RIF1: variants seen among roughly 807,000 people sequenced by gnomAD.
The protein encoded by RIF1 is telomere-associated protein RIF1.
In RIF1, 45 loss-of-function variants were observed where a neutral mutation model predicts 247.1. The ratio of observed to expected loss-of-function variants is 0.18; its 90% CI spans 0.14 to 0.23. RIF1 has a LOEUF of 0.23. Ranked by LOEUF, RIF1 falls within the 10% of genes least tolerant of loss-of-function variation. The pLI is 1.00. For synonymous variants in RIF1, 1,087 were observed against 978.8 expected (o/e 1.11, Z -2.06); for missense variants, 2,967 against 2,862.5 (o/e 1.04, Z -0.83).
chr2:151,494,087 C>G, intron 9 of RIF1: 1 of 1,266,596 alleles, frequency 7.9e-7, no homozygotes, highest in Admixed American at 2.0e-5. Flanking sequence ...TAACCTGGGA[C>G]AGGGTTAGGA....
chr2:151,486,173 C>T, downstream of RIF1: 1 of 451,694 alleles, frequency 2.2e-6, no homozygotes, highest in South Asian at 3.7e-5. Flanking sequence ...TGCCTTCCCC[C>T]ACCAAAAGAG....
intron 10 of RIF1, chr2:151,497,946 T>TA (rs2061422982): frequency 6.9e-7 from 1 of 1,444,580 alleles, no homozygotes; most frequent in Admixed American, 2.9e-5. Context: ...TTATCCATGT[T>TA]ATTTTTTTTC....
rs2048920737 is a variant in RIF1 at position 151,476,201 on chromosome 2, G to A, written c.*1130G>A. On this transcript the variant is annotated 3_prime_UTR_variant, in exon 36 of 36. Coordinates refer to ENST00000444746, the MANE Select transcript of RIF1 (RefSeq NM_018151.5). ...AGTTAGTTTCAGTATTTCACAGCAA[G>A]TTGGACTACAAAATCTAGAGTTGAT... 6.6e-6 allele frequency: 1 copy of A among 152,188 alleles called. No homozygotes were observed. Among genetic ancestry groups the A allele is most frequent in the Non-Finnish European group, 1.5e-5 (1 of 68,022 alleles). The allele number at this position is 152,188 out of a possible 1,614,324, so 9.4% of individuals were successfully genotyped here.
chr2:151,520,858 T>C, the RIF1 span, among the ~76,000 whole-genome samples: 3 of 149,226 alleles, frequency 2.0e-5, no homozygotes, highest in Non-Finnish European at 2.9e-5. Context: ...AGCAAGACCC[T>C]GTCTCACAAA....
intron 21 of RIF1, among the ~76,000 whole-genome samples, chr2:151,454,452 T>C (rs1489231974): frequency 1.3e-5 from 2 of 152,158 alleles, no homozygotes; most frequent in Admixed American, 6.5e-5. Flanking sequence ...CAATGTACTA[T>C]AGATGAGCAA....
Position 151,433,238 on chromosome 2 carries a change from C to CAA in RIF1, c.1077+11_1077+12dup. ...TGCTAATTTTGAACAGGTAACATTACAAGTGTTGACTATAGCACTTTATGT... is the reference window on the plus strand; with the variant it reads ...TGCTAATTTTGAACAGGTAACATTACAAAAGTGTTGACTATAGCACTTTATGT... On this transcript the variant is annotated intron_variant, in intron 10 of 35. Coordinates refer to ENST00000444746, the MANE Select transcript of RIF1 (RefSeq NM_018151.5). 6.2e-7 allele frequency: 1 copy of CAA among 1,602,006 alleles called. No homozygotes were observed. The highest frequency in any genetic ancestry group is 8.5e-7 in the Non-Finnish European group (1 of 1,170,204).
intron 13 of RIF1, 85 bp from the exon 14 acceptor site, chr2:151,438,599 G>A (rs1437639421): frequency 2.4e-6 from 2 of 832,164 alleles, no homozygotes; most frequent in African/African-American, 1.7e-5. Context: ...TTTGTTTAAT[G>A]TAAGGAAGTA....
At chr2:151,531,075 CTTG>C in the RIF1 span, 5 of 1,612,596 alleles carry the variant, frequency 3.1e-6, no homozygotes, top group Middle Eastern at 1.7e-4. Context: ...TGGGTTTGGC[CTTG>C]TTGTATTCCA....
chr2:151,497,980 T>TAAACA (rs1238875484), intron 10 of RIF1: 22 of 1,436,440 alleles, frequency 1.5e-5, no homozygotes, highest in East Asian at 5.0e-5. Flanking sequence ...CGGTGCCTCC[T>TAAACA]AAACAATCAC....
downstream of RIF1, among the ~76,000 whole-genome samples, chr2:151,482,820 A>G (rs546570940): frequency 6.6e-4 from 100 of 152,298 alleles, 2 homozygotes; most frequent in South Asian, 0.021. Context: ...ATATGGTATC[A>G]GCAGGGTTTG....
chr2:151,461,394 T>TC, intron 27 of RIF1, 105 bp downstream of exon 27: 1 of 843,522 alleles, frequency 1.2e-6, no homozygotes, highest in East Asian at 3.5e-5. Context: ...TGTACTAATT[T>TC]TTTTTTTTTT....
chr2:151,485,053 T>G (rs1006141104), downstream of RIF1, among the ~76,000 whole-genome samples: 40 of 152,166 alleles, frequency 2.6e-4, no homozygotes, highest in East Asian at 5.8e-4. Flanking sequence ...TATGGTTGCT[T>G]CTTCTCCCTT....
chr2:151,457,812 G>A lies in RIF1; in HGVS notation c.2704G>A (p.Gly902Arg). 4 of 1,613,728 alleles carry A rather than the reference G, an allele frequency of 2.5e-6. No individual in the cohort carries two copies. Among genetic ancestry groups the A allele is most frequent in the Non-Finnish European group, 3.4e-6 (4 of 1,179,868 alleles). ...TGCTTGTCTGCAATTCAGCTACACCGGAACTTATGATAGTGAACTTCTTGA... is the reference window on the plus strand; with the variant it reads ...TGCTTGTCTGCAATTCAGCTACACCAGAACTTATGATAGTGAACTTCTTGA... ...IIACLQFSYT[G>R]TYDSELLEQL... Residue 902 changes from glycine (G) to arginine (R), a missense_variant, in exon 24 of 36, where the codon GGA becomes AGA. Gly to Arg is a moderately radical substitution (Grantham distance 125, BLOSUM62 -2). Around this residue, in one of 7 missense-constraint regions of RIF1, gnomAD observed 2,028 missense variants for 1,825.6 expected, o/e 1.11. Coordinates refer to ENST00000444746, the MANE Select transcript of RIF1 (RefSeq NM_018151.5).
exon 11 of RIF1, chr2:151,499,439 G>A (rs2062782084): frequency 9.8e-7 from 1 of 1,024,244 alleles, no homozygotes; most frequent in African/African-American, 1.6e-5. Context: ...AGTCAAAACA[G>A]CCCTTTCATC....
chr2:151,416,641 T>C lies in RIF1; in HGVS notation c.361T>C (p.Trp121Arg), dbSNP rs769768795. 5 of 1,612,444 alleles carry C rather than the reference T, an allele frequency of 3.1e-6. No individual in the cohort carries two copies. The African/African-American group carries it at 5.3e-5, about 17-fold the overall frequency. Reference protein sequence around the residue: ...SDKNVRTRALWVISKQTFPSE... With the variant: ...SDKNVRTRALRVISKQTFPSE... Reference sequence around the variant, plus strand: ...CAAAAATGTACGTACTAGAGCACTTTGGGTGATATCTAAGCAGACATTTCC... The same window carrying C: ...CAAAAATGTACGTACTAGAGCACTTCGGGTGATATCTAAGCAGACATTTCC... The change falls in exon 5 of 36, where the codon TGG (tryptophan) becomes CGG (arginine). Residue 121 changes from tryptophan (W) to arginine (R), a missense_variant. Trp to Arg is a moderately radical substitution (Grantham distance 101). This residue lies in a region of RIF1 where 269 missense variants were observed against 288.6 expected (regional missense o/e 0.93). Coordinates refer to ENST00000444746, the MANE Select transcript of RIF1 (RefSeq NM_018151.5).
At chr2:151,473,601 T>TA (rs538990830) in intron 34 of RIF1, among the ~76,000 whole-genome samples, 21 of 152,152 alleles carry the variant, frequency 1.4e-4, no homozygotes, top group South Asian at 8.3e-4. Context: ...TTCTTTTTTT[T>TA]AAAAAAATTC....
At chr2:151,530,755 C>T in the RIF1 span, 1 of 377,344 alleles carries the variant, frequency 2.7e-6, no homozygotes. Context: ...TGGGAGTGAG[C>T]CACCTGGATG....
chr2:151,512,751 G>C (rs930436261), downstream of RIF1: 1 of 1,613,626 alleles, frequency 6.2e-7, no homozygotes, highest in Middle Eastern at 1.6e-4. Flanking sequence ...AAAGATTCTT[G>C]ACTTGTTGGG....
chr2:151,451,302 A>G (rs1694282001), intron 20 of RIF1, among the ~76,000 whole-genome samples: 1 of 152,208 alleles, frequency 6.6e-6, no homozygotes, highest in Non-Finnish European at 1.5e-5. Flanking sequence ...ACACCTATAC[A>G]GGTGCCTAGG....
Sources: allele counts gnomAD v4.1 joint callset (sites outside exome capture counted in the v4.1 genomes callset), GRCh38; gene constraint gnomAD v4.1.1; regional missense constraint gnomAD v4.1.1; transcripts MANE v1.5; gene names NCBI Gene and HGNC (gene_info 2026-07-23, HGNC 2026-07-21).